AP2M1: variants seen among roughly 807,000 people sequenced by gnomAD.
The protein encoded by AP2M1 is AP-2 complex subunit mu.
A neutral mutation model predicts 54.5 loss-of-function variants in AP2M1; 5 were observed. The observed-to-expected ratio is 0.09, with a 90% CI of 0.05 to 0.19. AP2M1 has a LOEUF of 0.19. Among genes scored for constraint, AP2M1 ranks in the 10% least tolerant of loss-of-function variants. AP2M1 has a pLI of 1.00. For missense variants in AP2M1, 178 were observed against 580.2 expected, an observed-to-expected ratio of 0.31 and a Z score of 7.12; for synonymous variants, 186 against 208.2, an observed-to-expected ratio of 0.89 and a Z score of 0.92.
At position 184,181,746 on chromosome 3, in the gene AP2M1, G is replaced by A. The variant is rs1207518781; in HGVS notation, c.758G>A (p.Arg253Gln). 9 of 1,613,944 alleles carry A rather than the reference G, an allele frequency of 5.6e-6. No homozygotes were observed. Among genetic ancestry groups the A allele is most frequent in the Non-Finnish European group, 5.9e-6 (7 of 1,179,956 alleles). Reference protein sequence around the residue: ...IDDCTFHQCVRLSKFDSERSI... With the variant: ...IDDCTFHQCVQLSKFDSERSI... Reference sequence around the variant, plus strand: ...GACTGCACCTTCCACCAGTGTGTGCGACTCAGCAAGTTTGACTCTGAACGC... The same window carrying A: ...GACTGCACCTTCCACCAGTGTGTGCAACTCAGCAAGTTTGACTCTGAACGC... Residue 253 changes from arginine to glutamine, a missense_variant, in exon 8 of 12, where the codon CGA (arginine) becomes CAA (glutamine). By Grantham distance (43) the Arg-to-Gln change is conservative (BLOSUM62 1). Coordinates refer to ENST00000292807, the MANE Select transcript of AP2M1 (RefSeq NM_004068.4). The surrounding 1 kb of genome is among the most constrained non-coding windows in gnomAD (Gnocchi z 5.7).
In AP2M1 at chr3:184,182,331, AGG is replaced by A. The variant is rs1491194232; in HGVS notation, c.1061+86_1061+87del. On this transcript the variant is annotated intron_variant, in intron 10 of 11. Coordinates refer to ENST00000292807, the MANE Select transcript of AP2M1 (RefSeq NM_004068.4). The surrounding 1 kb of genome is among the most constrained non-coding windows in gnomAD (Gnocchi z 5.5). ...TTTTCAGCTTTGATCCTTCTGAATGAGGGGCAGGGGAGTGTGCCTGTTTGCTT... is the reference window on the plus strand; with the variant it reads ...TTTTCAGCTTTGATCCTTCTGAATGAGGCAGGGGAGTGTGCCTGTTTGCTT... The A allele has an allele frequency of 7.0e-6, 10 of 1,434,554 alleles. No homozygotes were observed. Among genetic ancestry groups the A allele is most frequent in the Non-Finnish European group, 9.5e-6 (10 of 1,056,404 alleles). The allele number at this position is 1,434,554 out of a possible 1,614,324, so 88.9% of individuals were successfully genotyped here.
rs1715170295 is a variant in AP2M1 at position 184,178,763 on chromosome 3, A to C, written c.75-94A>C. The C allele has an allele frequency of 6.8e-7, 1 of 1,479,154 alleles. No homozygotes were observed. The highest frequency in any genetic ancestry group is 1.4e-5 in the African/African-American group (1 of 72,222). The allele number at this position is 1,479,154 out of a possible 1,614,324, so 91.6% of individuals were successfully genotyped here. A position where few individuals can be genotyped will look rare whatever the true frequency, so the allele number is the denominator to read the frequency against. On this transcript the variant is annotated intron_variant, in intron 2 of 11. Transcript: ENST00000292807. The surrounding 1 kb of genome is among the most constrained non-coding windows in gnomAD (Gnocchi z 4.9). ...GAGTGTGTGTGTCAGACTTCTGCAG[A>C]AAGGAGGGTGGGGCTGTTAGCAGCT...
In AP2M1 at chr3:184,175,891, C is replaced by G. The variant is rs1715058612; in HGVS notation, c.-44+932C>G. ...CCACCTTGAGAGACCGCTCACCCCT[C>G]TGGAAGACCTTGACAGCCACAGGAA... On this transcript the variant is annotated intron_variant, in intron 1 of 11. Transcript: ENST00000292807. Among the ~76,000 whole-genome samples, 4 of 152,216 alleles carry G rather than the reference C, an allele frequency of 2.6e-5. No homozygotes were observed. In the South Asian group the frequency reaches 8.3e-4, roughly 32 times the overall value.
At position 184,183,733 on chromosome 3, in the gene AP2M1, G is replaced by A. The variant is rs2109033016; in HGVS notation, c.*117G>A. ...CCTCCTGCTTTGCTGCCTTCCCTTT[G>A]CACCAGCCCGAGTCTAGGTCTGGGC... On this transcript the variant is annotated 3_prime_UTR_variant, in exon 12 of 12. Transcript: ENST00000292807. The surrounding 1 kb of genome is among the most constrained non-coding windows in gnomAD (Gnocchi z 5.7). 8.0e-7 allele frequency: 1 copy of A among 1,245,102 alleles called. No individual in the cohort carries two copies. Among genetic ancestry groups the A allele is most frequent in the East Asian group, 2.5e-5 (1 of 39,434 alleles). The allele number at this position is 1,245,102 out of a possible 1,614,324, so 77.1% of individuals were successfully genotyped here.
In AP2M1 at chr3:184,181,629, G is replaced by T; in HGVS notation, c.708-67G>T. The T allele has an allele frequency of 2.5e-6, 4 of 1,587,220 alleles. No individual in the cohort carries two copies. The highest frequency in any genetic ancestry group is 3.4e-6 in the Non-Finnish European group (4 of 1,162,446). On this transcript the variant is annotated intron_variant, in intron 7 of 11. Coordinates refer to ENST00000292807, the MANE Select transcript of AP2M1 (RefSeq NM_004068.4). The surrounding 1 kb of genome is among the most constrained non-coding windows in gnomAD (Gnocchi z 5.7). ...GTCTCTGGTGCCAGCCTGGGGTGGAGTGGTCTCCCAGCATGACAGCTGTCA... is the reference window on the plus strand; with the variant it reads ...GTCTCTGGTGCCAGCCTGGGGTGGATTGGTCTCCCAGCATGACAGCTGTCA...
chr3:184,181,016 G>C lies in AP2M1; in HGVS notation c.565+32G>C. The C allele has an allele frequency of 6.2e-7, 1 of 1,614,044 alleles. No individual in the cohort carries two copies. The highest frequency in any genetic ancestry group is 8.5e-7 in the Non-Finnish European group (1 of 1,179,990). On this transcript the variant is annotated intron_variant, in intron 6 of 11. Coordinates refer to ENST00000292807, the MANE Select transcript of AP2M1 (RefSeq NM_004068.4). This position sits in a 1 kb window ranked among gnomAD's most constrained non-coding sequence, Gnocchi z 5.7. The stretch of plus-strand genomic sequence containing the variant: ...TCCCTCTCACGACAAAGTTGGAGGG[G>C]GCCCAGGGCAGGATCCTGGGCCTGC...
In AP2M1 at chr3:184,183,416, G is replaced by A. The variant is rs199649513; in HGVS notation, c.1174-66G>A. The A allele has an allele frequency of 2.6e-4, 417 of 1,599,890 alleles. 1 individual carries two copies. The highest frequency in any genetic ancestry group is 3.4e-4 in the Non-Finnish European group (395 of 1,171,860). On this transcript the variant is annotated intron_variant, in intron 11 of 11. Transcript: ENST00000292807. The surrounding 1 kb of genome is among the most constrained non-coding windows in gnomAD (Gnocchi z 5.7). Reference sequence around the variant, plus strand: ...TAGCGATGAAGTAGGGCAGGGCAACGGGACTTCCCAGAGGAGAGCGGCTGT... The same window carrying A: ...TAGCGATGAAGTAGGGCAGGGCAACAGGACTTCCCAGAGGAGAGCGGCTGT...
At position 184,178,351 on chromosome 3, in the gene AP2M1, A is replaced by G; in HGVS notation, c.75-506A>G. ...GATCCTGGGCAAGAATGGGTAGCAC[A>G]ATTCCATGGCCCCTTGGTACTTCTC... On this transcript the variant is annotated intron_variant, in intron 2 of 11. Coordinates refer to ENST00000292807, the MANE Select transcript of AP2M1 (RefSeq NM_004068.4). The surrounding 1 kb of genome is among the most constrained non-coding windows in gnomAD (Gnocchi z 4.9). The G allele has an allele frequency of 8.2e-7, 1 of 1,212,810 alleles. No individual in the cohort carries two copies. The highest frequency in any genetic ancestry group is 1.2e-6 in the Non-Finnish European group (1 of 852,030). 75.1% of individuals were successfully genotyped at this position (1,212,810 alleles called of 1,614,324 possible).
At chr3:184,175,881 G>A (rs1715058227) in intron 1 of AP2M1, among the ~76,000 whole-genome samples, 1 of 152,082 alleles carries the variant, frequency 6.6e-6, no homozygotes. Flanking sequence ...TTGAGAGACC[G>A]CTCACCCCTC....
Position 184,180,155 on chromosome 3 carries a change from C to G in AP2M1, c.341-14C>G. The G allele has an allele frequency of 6.2e-7, 1 of 1,613,948 alleles. No individual in the cohort carries two copies. Among genetic ancestry groups the G allele is most frequent in the South Asian group, 1.1e-5 (1 of 91,038 alleles). On this transcript the variant is annotated splice_polypyrimidine_tract_variant and intron_variant, in intron 3 of 11. Transcript: ENST00000292807. This position sits in a 1 kb window ranked among gnomAD's most constrained non-coding sequence, Gnocchi z 4.9. ...AGCTCTGTCCAGGGGCTGATGGTTC[C>G]CTTCTTTTTGCAGAGATTCTAGACT...
rs949865099 is a variant in AP2M1, at chr3:184,178,356, C to T, written c.75-501C>T. The T allele has an allele frequency of 2.5e-5, 30 of 1,188,242 alleles. No individual in the cohort carries two copies. The highest frequency in any genetic ancestry group is 2.2e-4 in the Admixed American group (11 of 50,436). The allele number at this position is 1,188,242 out of a possible 1,614,324, so 73.6% of individuals were successfully genotyped here. A position where few individuals can be genotyped will look rare whatever the true frequency, so the allele number is the denominator to read the frequency against. ...TGGGCAAGAATGGGTAGCACAATTCCATGGCCCCTTGGTACTTCTCCCTCC... is the reference window on the plus strand; with the variant it reads ...TGGGCAAGAATGGGTAGCACAATTCTATGGCCCCTTGGTACTTCTCCCTCC... On this transcript the variant is annotated intron_variant, in intron 2 of 11. Transcript: ENST00000292807. This position sits in a 1 kb window ranked among gnomAD's most constrained non-coding sequence, Gnocchi z 4.9.
rs911843894 is a variant in AP2M1 at position 184,180,306 on chromosome 3, A to G, written c.423+55A>G. 2 of 1,588,228 alleles carry G rather than the reference A, an allele frequency of 1.3e-6. No homozygotes were observed. Among genetic ancestry groups the G allele is most frequent in the African/African-American group, 2.7e-5 (2 of 74,452 alleles). ...GTGGAGTCCAATCTCCCTTCATCTC[A>G]GCTGGCCCCTGAGCCTTGTCTGAGC... On this transcript the variant is annotated intron_variant, in intron 4 of 11. Transcript: ENST00000292807. This position sits in a 1 kb window ranked among gnomAD's most constrained non-coding sequence, Gnocchi z 4.9.
rs756368532 is a variant in AP2M1 at position 184,178,164 on chromosome 3, TCTC to T, written c.75-689_75-687del. ...TAACCCTCTCTCTCGTTGCTATCAC[TCTC>T]CTCTTCTTGCTGGCGTCATTTCTCT... On this transcript the variant is annotated intron_variant, in intron 2 of 11. Coordinates refer to ENST00000292807, the MANE Select transcript of AP2M1 (RefSeq NM_004068.4). The surrounding 1 kb of genome is among the most constrained non-coding windows in gnomAD (Gnocchi z 4.9). 2.6e-6 allele frequency: 4 copies of T among 1,524,018 alleles called. No individual in the cohort carries two copies. The highest frequency in any genetic ancestry group is 2.6e-6 in the Non-Finnish European group (3 of 1,135,970). The allele number at this position is 1,524,018 out of a possible 1,614,324, so 94.4% of individuals were successfully genotyped here. A position where few individuals can be genotyped will look rare whatever the true frequency, so the allele number is the denominator to read the frequency against.
intron 1 of AP2M1, among the ~76,000 whole-genome samples, chr3:184,176,229 AG>A (rs1015477354): frequency 6.6e-6 from 1 of 152,030 alleles, no homozygotes; most frequent in African/African-American, 2.4e-5. Flanking sequence ...GCTTTTTGAA[AG>A]GGGGGTGGTA....
intron 1 of AP2M1, among the ~76,000 whole-genome samples, chr3:184,175,302 G>A (rs1326579298): frequency 6.6e-6 from 1 of 151,914 alleles, no homozygotes; most frequent in Non-Finnish European, 1.5e-5. Flanking sequence ...TCCCCGTCTC[G>A]TAGGACAGTG....
Position 184,180,172 on chromosome 3 carries a change from T to G in AP2M1, c.344T>G (p.Ile115Ser). 6.2e-7 allele frequency: 1 copy of G among 1,614,182 alleles called. No homozygotes were observed. Reference sequence around the variant, plus strand: ...GATGGTTCCCTTCTTTTTGCAGAGATTCTAGACTTTGGCTACCCACAGAAT... The same window carrying G: ...GATGGTTCCCTTCTTTTTGCAGAGAGTCTAGACTTTGGCTACCCACAGAAT... ...FVLIYELLDE[I>S]LDFGYPQNSE... Residue 115 changes from isoleucine to serine, a missense_variant, in exon 4 of 12, where the codon ATT becomes AGT. By Grantham distance (142) the Ile-to-Ser change is moderately radical. Transcript: ENST00000292807. The surrounding 1 kb of genome is among the most constrained non-coding windows in gnomAD (Gnocchi z 4.9).
chr3:184,182,151 G>A lies in AP2M1; in HGVS notation c.964G>A (p.Val322Met). 6.2e-7 allele frequency: 1 copy of A among 1,614,008 alleles called. No homozygotes were observed. The highest frequency in any genetic ancestry group is 8.5e-7 in the Non-Finnish European group (1 of 1,179,950). Residue 322 changes from valine (V) to methionine (M), a missense_variant and splice_region_variant, in exon 10 of 12, where the codon GTG becomes ATG. This residue lies in a region of AP2M1 where 59 missense variants were observed against 176.8 expected (regional missense o/e 0.33). Transcript: ENST00000292807. This position sits in a 1 kb window ranked among gnomAD's most constrained non-coding sequence, Gnocchi z 5.5. ...TCCCTGACAGGTGTGTCACTTCTAG[G>A]TGAGGATCCCAACCCCACTGAACAC... Reference protein sequence around the residue: ...KPSLLAQKIEVRIPTPLNTSG... With the variant: ...KPSLLAQKIEMRIPTPLNTSG...
At position 184,183,073 on chromosome 3, in the gene AP2M1, C is replaced by A; in HGVS notation, c.1173+205C>A. 1 of 633,466 alleles carries A rather than the reference C, an allele frequency of 1.6e-6. No individual in the cohort carries two copies. The allele number at this position is 633,466 out of a possible 1,614,324, so 39.2% of individuals were successfully genotyped here. On this transcript the variant is annotated intron_variant, in intron 11 of 11. Coordinates refer to ENST00000292807, the MANE Select transcript of AP2M1 (RefSeq NM_004068.4). The surrounding 1 kb of genome is among the most constrained non-coding windows in gnomAD (Gnocchi z 5.7). ...GATGAGGCAAATCTTTTACTTCTCT[C>A]GGCTTGTCCTAACACAGTTCTTTCA...
chr3:184,176,796 A>C, intron 1 of AP2M1, 155 bp from the exon 2 acceptor site: 1 of 543,764 alleles, frequency 1.8e-6, no homozygotes, highest in East Asian at 3.2e-5. Flanking sequence ...CAGGAACTGG[A>C]GCCTGGCTGA....
Sources: gnomAD v4.1 joint callset for allele counts (sites outside exome capture counted in the v4.1 genomes callset) on GRCh38, gnomAD v4.1.1 for gene constraint, gnomAD v4.1.1 regional missense constraint, Gnocchi (gnomAD v3.1) non-coding constraint, MANE v1.5 for transcripts, NCBI Gene and HGNC (gene_info 2026-07-23, HGNC 2026-07-21) for gene names.